Variants in TMEM44 observed in about 807,000 individuals in gnomAD.
TMEM44 encodes the protein transmembrane protein 44.
TMEM44 carries 43 observed loss-of-function variants against 47.8 expected under a neutral mutation model. That is an observed-to-expected ratio of 0.90 (90% CI 0.70 to 1.16). The LOEUF (loss-of-function observed/expected upper bound fraction) is 1.16. Among genes scored for constraint, TMEM44 ranks in the 50% most tolerant of loss-of-function variants. The pLI, the probability that TMEM44 is intolerant of heterozygous loss-of-function variation, is 0.00. For missense variants in TMEM44, 568 were observed against 555.2 expected (o/e 1.02, Z -0.23); for synonymous variants, 277 against 238.8 (o/e 1.16, Z -1.48).
At chr3:194,625,432 G>T (rs867637945) in intron 3 of TMEM44, among the ~76,000 whole-genome samples, 7 of 95,358 alleles carry the variant, frequency 7.3e-5, no homozygotes, top group Admixed American at 6.9e-4. Flanking sequence ...TTCTTTTTTG[G>T]GGGGGGGGGG....
chr3:194,599,598 T>C (rs2077932211), intron 9 of TMEM44, among the ~76,000 whole-genome samples: 1 of 150,466 alleles, frequency 6.6e-6, no homozygotes, highest in Admixed American at 6.6e-5. Context: ...TTTTTTTTTT[T>C]TTTTGAGACA....
intron 3 of TMEM44, among the ~76,000 whole-genome samples, chr3:194,624,022 C>G (rs1577219634): frequency 6.6e-6 from 1 of 152,292 alleles, no homozygotes; most frequent in East Asian, 1.9e-4. Context: ...AAGGATAAGG[C>G]ACCATCCTCT....
At chr3:194,594,201 T>C (rs977947301) in intron 9 of TMEM44, among the ~76,000 whole-genome samples, 1 of 135,802 alleles carries the variant, frequency 7.4e-6, no homozygotes, top group African/African-American at 2.5e-5. Flanking sequence ...GTTTCACTCT[T>C]GTCACAGGCT....
intron 1 of TMEM44, among the ~76,000 whole-genome samples, chr3:194,631,298 A>G (rs1717803893): frequency 6.6e-6 from 1 of 152,054 alleles, no homozygotes; most frequent in South Asian, 2.1e-4. Flanking sequence ...CCTCCTTGCT[A>G]CATTTCTCTG....
intron 7 of TMEM44, among the ~76,000 whole-genome samples, chr3:194,613,126 T>C (rs917088346): frequency 2.6e-5 from 4 of 152,302 alleles, no homozygotes; most frequent in African/African-American, 9.6e-5. Flanking sequence ...ATGACATAAT[T>C]GTAAAGGTTT....
rs371421636 is a variant in TMEM44, at chr3:194,623,788, CAT to C, written c.359-95_359-94del. On this transcript the variant is annotated intron_variant, in intron 3 of 9. Transcript: ENST00000347147. ...GGGAAGAACTGGTGTCAGCTCCCCA[CAT>C]GATGCTGAAGCGGGTTCCCACATTA... 6.3e-4 allele frequency: 963 copies of C among 1,535,316 alleles called. 6 individuals carry two copies. The African/African-American group carries it at 0.012, about 19-fold the overall frequency.
chr3:194,631,618 T>C (rs1336670452), intron 1 of TMEM44, among the ~76,000 whole-genome samples: 1 of 152,094 alleles, frequency 6.6e-6, no homozygotes, highest in Non-Finnish European at 1.5e-5. Flanking sequence ...ATATCAACCC[T>C]CCCATTTGAG....
chr3:194,633,003 G>C, intron 1 of TMEM44, 76 bp downstream of exon 1: 1 of 1,509,180 alleles, frequency 6.6e-7, no homozygotes, highest in Non-Finnish European at 8.9e-7. Flanking sequence ...CCCTCCTCTA[G>C]GTTTCCGAGA....
At chr3:194,623,934 C>T (rs1163603965) in intron 3 of TMEM44, among the ~76,000 whole-genome samples, 2 of 151,470 alleles carry the variant, frequency 1.3e-5, no homozygotes. Context: ...TGCCCTCCTT[C>T]CTCAGGCAGA....
intron 9 of TMEM44, among the ~76,000 whole-genome samples, chr3:194,595,837 G>T (rs576683944): frequency 6.6e-6 from 1 of 152,050 alleles, no homozygotes; most frequent in African/African-American, 2.4e-5. Flanking sequence ...ATGTTGGTCA[G>T]GCTGGTCTCA....
At position 194,588,273 on chromosome 3, in the gene TMEM44, C is replaced by T. The variant is rs866579633; in HGVS notation, c.*256G>A. ...TCTGAGATCCTTTGGATTATCTTTA[C>T]GAAGCAAAAGCTTCTGTGAACTGTG... is the stretch of plus-strand genomic sequence containing the variant. On this transcript the variant is annotated 3_prime_UTR_variant, in exon 10 of 10. Coordinates refer to ENST00000347147, the MANE Select transcript of TMEM44 (RefSeq NM_001011655.3). 3.8e-4 allele frequency: 174 copies of T among 457,860 alleles called. No individual in the cohort carries two copies. The highest frequency in any genetic ancestry group is 3.4e-3 in the Middle Eastern group (6 of 1,746). The allele number at this position is 457,860 out of a possible 1,614,324, so 28.4% of individuals were successfully genotyped here. A position where few individuals can be genotyped will look rare whatever the true frequency, so the allele number is the denominator to read the frequency against.
At chr3:194,624,286 A>G (rs1448653873) in intron 3 of TMEM44, among the ~76,000 whole-genome samples, 2 of 150,590 alleles carry the variant, frequency 1.3e-5, no homozygotes, top group East Asian at 4.0e-4. Context: ...CCTTGGCCTC[A>G]TGAGTGGCTG....
chr3:194,603,037 G>A (rs1037600614), intron 9 of TMEM44, among the ~76,000 whole-genome samples: 2 of 152,160 alleles, frequency 1.3e-5, no homozygotes, highest in Non-Finnish European at 2.9e-5. Flanking sequence ...TCCTCTCCCC[G>A]CACCAAAAGA....
chr3:194,621,024 CAAA>C (rs35118545), intron 5 of TMEM44, among the ~76,000 whole-genome samples: 17 of 117,290 alleles, frequency 1.4e-4, no homozygotes, highest in Non-Finnish European at 1.1e-4. Flanking sequence ...GACTCTGTCT[CAAA>C]AAAAAAAAAA....
intron 8 of TMEM44, among the ~76,000 whole-genome samples, chr3:194,605,387 T>C (rs1036345932): frequency 6.6e-6 from 1 of 152,252 alleles, no homozygotes; most frequent in Non-Finnish European, 1.5e-5. Flanking sequence ...TGTATTAGTT[T>C]GTTTTCATGC....
chr3:194,616,060 T>C (rs984793500), intron 6 of TMEM44, among the ~76,000 whole-genome samples: 7 of 144,670 alleles, frequency 4.8e-5, no homozygotes, highest in East Asian at 1.9e-4. Flanking sequence ...GTGACCCCCT[T>C]TTTTTTTTTG....
intron 8 of TMEM44, among the ~76,000 whole-genome samples, chr3:194,605,708 C>T (rs1714703926): frequency 6.6e-6 from 1 of 152,222 alleles, no homozygotes; most frequent in Non-Finnish European, 1.5e-5. Context: ...CGTGGGGACA[C>T]ATCCAAACCA....
rs1357654088 is a variant in TMEM44, at chr3:194,600,750, A to G, written c.1176+3537T>C. ...TGGTGACAGAGCAAGACTCCGTCTCAAAAAGAAAAAAAAGAAGAAGAAGAA... is the reference window on the plus strand; with the variant it reads ...TGGTGACAGAGCAAGACTCCGTCTCGAAAAGAAAAAAAAGAAGAAGAAGAA... On this transcript the variant is annotated intron_variant, in intron 9 of 9. Transcript: ENST00000347147. Among the ~76,000 whole-genome samples, 4 of 149,790 alleles carry G rather than the reference A, an allele frequency of 2.7e-5. No individual in the cohort carries two copies. The East Asian group carries it at 7.8e-4, about 29-fold the overall frequency.
chr3:194,615,422 C>G (rs775758506), intron 7 of TMEM44, 147 bp downstream of exon 7: 20 of 1,144,306 alleles, frequency 1.7e-5, no homozygotes, highest in Non-Finnish European at 2.2e-5. Context: ...ATTCCCTCAG[C>G]GAGACAGGAC....
Sources: allele counts gnomAD v4.1 joint callset (sites outside exome capture counted in the v4.1 genomes callset), GRCh38; gene constraint gnomAD v4.1.1; transcripts MANE v1.5; gene names NCBI Gene and HGNC (gene_info 2026-07-23, HGNC 2026-07-21).